Variants in MYOZ2 observed in about 807,000 individuals in gnomAD.
MYOZ2 encodes the protein myozenin-2.
MYOZ2 carries 19 observed loss-of-function variants against 25.4 expected under a neutral mutation model. That is an observed-to-expected ratio of 0.75 (90% confidence interval 0.52 to 1.10). The LOEUF is 1.10. Ranked by LOEUF, MYOZ2 falls within the 50% of genes least tolerant of loss-of-function variation. The pLI is 0.00. For synonymous variants in MYOZ2, 92 were observed against 106.9 expected (o/e 0.86, Z 0.86); for missense variants, 270 against 317.9 (o/e 0.85, Z 1.15).
At chr4:119,167,583 C>T (rs1741849972) in intron 5 of MYOZ2, among the ~76,000 whole-genome samples, 4 of 152,192 alleles carry the variant, frequency 2.6e-5, no homozygotes, top group East Asian at 3.8e-4. Flanking sequence ...GGTGAAACAA[C>T]CTTCTATTGG....
intron 2 of MYOZ2, among the ~76,000 whole-genome samples, chr4:119,145,711 A>C (rs1741278016): frequency 6.6e-6 from 1 of 152,046 alleles, no homozygotes; most frequent in African/African-American, 2.4e-5. Context: ...CTTTGGTATC[A>C]GTGTATTATT....
chr4:119,181,922 A>G (rs1284891049), intron 5 of MYOZ2, among the ~76,000 whole-genome samples: 1 of 152,226 alleles, frequency 6.6e-6, no homozygotes, highest in Non-Finnish European at 1.5e-5. Flanking sequence ...ACACTGAAGA[A>G]CAGAGTATCT....
At chr4:119,176,287 C>T (rs1315409485) in intron 5 of MYOZ2, among the ~76,000 whole-genome samples, 1 of 150,982 alleles carries the variant, frequency 6.6e-6, no homozygotes, top group Non-Finnish European at 1.5e-5. Context: ...GTGGTGTGAT[C>T]TCGGCTCACT....
rs538073719 is a variant in MYOZ2, at chr4:119,137,275, ACT to A, written c.76+675_76+676del. On this transcript the variant is annotated intron_variant, in intron 2 of 5. Transcript: ENST00000307128. Reference sequence around the variant, plus strand: ...CTCTCCTTTTCTTTAAATTCTAGCAACTAACTTGAGAAAGCAATGCTTTATAA... The same window carrying A: ...CTCTCCTTTTCTTTAAATTCTAGCAAAACTTGAGAAAGCAATGCTTTATAA... Among the ~76,000 whole-genome samples, 297 of 152,268 alleles carry A rather than the reference ACT, an allele frequency of 2.0e-3. 1 individual carries two copies. The highest frequency in any genetic ancestry group is 7.0e-3 in the African/African-American group (289 of 41,564).
chr4:119,173,447 C>A (rs1352617415), intron 5 of MYOZ2, among the ~76,000 whole-genome samples: 1 of 152,184 alleles, frequency 6.6e-6, no homozygotes, highest in South Asian at 2.1e-4. Flanking sequence ...AGTAGTCTCT[C>A]GCTTTGAAAA....
At chr4:119,168,933 C>G (rs1449051769) in intron 5 of MYOZ2, among the ~76,000 whole-genome samples, 1 of 152,166 alleles carries the variant, frequency 6.6e-6, no homozygotes, top group Admixed American at 6.5e-5. Flanking sequence ...TGCTACCAAA[C>G]AGTATCATAT....
chr4:119,145,338 GTTTTTTT>G (rs60344545), intron 2 of MYOZ2, among the ~76,000 whole-genome samples: 59,824 of 101,296 alleles, frequency 0.59, 16,774 homozygotes, highest in Non-Finnish European at 0.67. Flanking sequence ...TGCGTGTGTG[GTTTTTTT>G]TTTTTTTTTT....
intron 3 of MYOZ2, among the ~76,000 whole-genome samples, chr4:119,157,205 C>G (rs547060853): frequency 6.6e-6 from 1 of 152,072 alleles, no homozygotes; most frequent in East Asian, 1.9e-4. Context: ...ATGATTTGAC[C>G]TAATCGCTTC....
chr4:119,155,426 G>A (rs1168488127), intron 3 of MYOZ2, among the ~76,000 whole-genome samples: 2 of 152,168 alleles, frequency 1.3e-5, no homozygotes, highest in Non-Finnish European at 2.9e-5. Flanking sequence ...AGGTTTTATT[G>A]AAGTATTGGG....
chr4:119,136,518 A>G lies in MYOZ2; in HGVS notation c.-8A>G, dbSNP rs767067733. ...GTCCCTTTGTTTTTAACAGGGAACA[A>G]AAAAACCATGCTATCACATAATACT... On this transcript the variant is annotated 5_prime_UTR_variant, in exon 2 of 6. Coordinates refer to ENST00000307128, the MANE Select transcript of MYOZ2 (RefSeq NM_016599.5). The G allele has an allele frequency of 6.2e-7, 1 of 1,613,102 alleles. No individual in the cohort carries two copies. The highest frequency in any genetic ancestry group is 1.7e-5 in the Admixed American group (1 of 59,966).
intron 4 of MYOZ2, among the ~76,000 whole-genome samples, chr4:119,163,007 C>G (rs1741744160): frequency 1.3e-5 from 2 of 152,092 alleles, no homozygotes; most frequent in South Asian, 4.2e-4. Context: ...TCAGAATTAT[C>G]AATACATAGG....
intron 5 of MYOZ2, among the ~76,000 whole-genome samples, chr4:119,166,074 A>G (rs1048750401): frequency 6.6e-6 from 1 of 152,064 alleles, no homozygotes; most frequent in African/African-American, 2.4e-5. Flanking sequence ...ATCTGCTAAT[A>G]CTTCTCTTTT....
intron 3 of MYOZ2, among the ~76,000 whole-genome samples, chr4:119,151,370 TG>T (rs762813374): frequency 1.2e-4 from 18 of 152,276 alleles, no homozygotes; most frequent in Non-Finnish European, 2.2e-4. Flanking sequence ...GTTACATGTT[TG>T]AGATGGAAAC....
At chr4:119,139,881 T>TC (rs1741124781) in intron 2 of MYOZ2, among the ~76,000 whole-genome samples, 1 of 152,134 alleles carries the variant, frequency 6.6e-6, no homozygotes, top group South Asian at 2.1e-4. Flanking sequence ...TTTGTTTGTT[T>TC]GTTTTTTTCT....
At chr4:119,171,287 G>C (rs1035768215) in intron 5 of MYOZ2, among the ~76,000 whole-genome samples, 2 of 151,996 alleles carry the variant, frequency 1.3e-5, no homozygotes, top group African/African-American at 4.8e-5. Context: ...AATTTAGTGA[G>C]AGCACAGAAT....
Position 119,151,007 on chromosome 4 carries a change from A to G in MYOZ2, c.212A>G (p.Glu71Gly). The G allele has an allele frequency of 1.2e-6, 2 of 1,613,572 alleles. No homozygotes were observed. The highest frequency in any genetic ancestry group is 1.7e-6 in the Non-Finnish European group (2 of 1,179,504). The change falls in exon 3 of 6, where the codon GAA becomes GGA. Residue 71 changes from glutamate to glycine, a missense_variant. Physicochemically the swap from Glu to Gly is moderately conservative, Grantham distance 98. Transcript: ENST00000307128. ...RQRRSDKYTF[E>G]NFQYQSRAQI... ...AGAAGATCTGACAAATACACATTTG[A>G]AAATTTCCAGTATCAATCTAGAGCA...
chr4:119,161,184 G>A (rs1230941485), intron 4 of MYOZ2, among the ~76,000 whole-genome samples: 5 of 152,048 alleles, frequency 3.3e-5, no homozygotes, highest in Admixed American at 3.3e-4. Context: ...ACTAATTTAT[G>A]TACCTATTTA....
At chr4:119,159,575 T>G (rs537004420) in intron 4 of MYOZ2, among the ~76,000 whole-genome samples, 1 of 152,260 alleles carries the variant, frequency 6.6e-6, no homozygotes, top group South Asian at 2.1e-4. Context: ...ATTCAAGCAT[T>G]TCCTCAAGAG....
intron 2 of MYOZ2, among the ~76,000 whole-genome samples, chr4:119,142,831 G>C (rs1489053757): frequency 6.6e-6 from 1 of 152,212 alleles, no homozygotes; most frequent in Non-Finnish European, 1.5e-5. Context: ...CCCCGCTGCT[G>C]TTTCCTCTAT....
Sources: gnomAD v4.1 joint callset for allele counts (sites outside exome capture counted in the v4.1 genomes callset) on GRCh38, gnomAD v4.1.1 for gene constraint, MANE v1.5 for transcripts, NCBI Gene and HGNC (gene_info 2026-07-23, HGNC 2026-07-21) for gene names.